TRIM44: variants seen among roughly 807,000 people sequenced by gnomAD.
TRIM44 encodes the protein tripartite motif-containing protein 44.
In TRIM44, 13 loss-of-function variants were observed where a neutral mutation model predicts 37.4. The ratio of observed to expected loss-of-function variants is 0.35; its 90% CI spans 0.23 to 0.55. TRIM44 has a LOEUF of 0.55. Among genes scored for constraint, TRIM44 ranks in the 20% least tolerant of loss-of-function variants. The pLI, the probability that TRIM44 is intolerant of heterozygous loss-of-function variation, is 0.89. For synonymous variants in TRIM44, 175 were observed against 157.2 expected (o/e 1.11, Z -0.85); for missense variants, 426 against 437.2 (o/e 0.97, Z 0.23).
intron 3 of TRIM44, among the ~76,000 whole-genome samples, chr11:35,727,157 CAA>C (rs56986873): frequency 8.7e-5 from 8 of 91,956 alleles, no homozygotes; most frequent in Non-Finnish European, 9.3e-5. Context: ...GATCCTGTCT[CAA>C]AAAAAAAAAA....
chr11:35,696,572 A>G (rs1033234650), intron 2 of TRIM44, among the ~76,000 whole-genome samples: 1 of 151,620 alleles, frequency 6.6e-6, no homozygotes, highest in African/African-American at 2.4e-5. Flanking sequence ...ACAAAGGCCA[A>G]GCGCAGTGGC....
At chr11:35,687,172 A>G (rs1426157564) in intron 2 of TRIM44, among the ~76,000 whole-genome samples, 1 of 152,230 alleles carries the variant, frequency 6.6e-6, no homozygotes, top group Non-Finnish European at 1.5e-5. Context: ...TTTCTGCCAC[A>G]TGATCACATT....
chr11:35,800,167 G>A (rs1853347195), intron 4 of TRIM44, among the ~76,000 whole-genome samples: 1 of 152,130 alleles, frequency 6.6e-6, no homozygotes, highest in Non-Finnish European at 1.5e-5. Flanking sequence ...TGTGTCCGGA[G>A]TTTCTTCCTT....
intron 1 of TRIM44, among the ~76,000 whole-genome samples, chr11:35,670,173 T>C (rs919218502): frequency 6.6e-6 from 1 of 152,248 alleles, no homozygotes; most frequent in African/African-American, 2.4e-5. Context: ...CTTTCTGTTA[T>C]CCCATGCTTC....
At chr11:35,725,903 T>C (rs779677289) in intron 2 of TRIM44, 21 bp from the exon 3 acceptor site, 25 of 1,610,816 alleles carry the variant, frequency 1.6e-5, no homozygotes, top group Non-Finnish European at 2.0e-5. Flanking sequence ...CTTATTCTTC[T>C]TATTTGTCTC....
chr11:35,723,777 G>A (rs1304430401), intron 2 of TRIM44, among the ~76,000 whole-genome samples: 4 of 152,096 alleles, frequency 2.6e-5, no homozygotes, highest in Non-Finnish European at 5.9e-5. Context: ...TTTAGTTACT[G>A]GTAGCCATTA....
intron 4 of TRIM44, among the ~76,000 whole-genome samples, chr11:35,742,545 ATT>A (rs1852417204): frequency 2.3e-5 from 3 of 133,188 alleles, no homozygotes; most frequent in African/African-American, 8.5e-5. Flanking sequence ...AATTATATTA[ATT>A]ATATTAATTG....
chr11:35,730,255 A>C (rs1377039547), intron 3 of TRIM44, among the ~76,000 whole-genome samples: 1 of 152,226 alleles, frequency 6.6e-6, no homozygotes, highest in South Asian at 2.1e-4. Flanking sequence ...ACCGAAAGAA[A>C]GATTTGGTGA....
At chr11:35,796,287 G>A (rs1853288266) in intron 4 of TRIM44, among the ~76,000 whole-genome samples, 1 of 152,200 alleles carries the variant, frequency 6.6e-6, no homozygotes, top group East Asian at 1.9e-4. Context: ...ACTTGTGCAT[G>A]CACACATACA....
At chr11:35,745,596 G>A (rs1163563378) in intron 4 of TRIM44, among the ~76,000 whole-genome samples, 1 of 152,196 alleles carries the variant, frequency 6.6e-6, no homozygotes, top group Non-Finnish European at 1.5e-5. Flanking sequence ...ATATAAACAA[G>A]AGTTAAGAAA....
intron 2 of TRIM44, among the ~76,000 whole-genome samples, chr11:35,718,967 A>G (rs1011293353): frequency 6.7e-6 from 1 of 149,118 alleles, no homozygotes; most frequent in Non-Finnish European, 1.5e-5. Flanking sequence ...ACCACAGTTG[A>G]TTTATTGTTT....
chr11:35,787,174 G>A (rs975325859), intron 4 of TRIM44, among the ~76,000 whole-genome samples: 2 of 152,166 alleles, frequency 1.3e-5, no homozygotes, highest in African/African-American at 2.4e-5. Context: ...CCAGCAAAGC[G>A]AGATGGTGCA....
intron 4 of TRIM44, among the ~76,000 whole-genome samples, chr11:35,801,876 C>A (rs1034826500): frequency 2.0e-5 from 3 of 152,184 alleles, no homozygotes; most frequent in Admixed American, 6.5e-5. Context: ...TTTTGTTTTA[C>A]ATCCCCTAAA....
At chr11:35,665,105 A>T (rs190227230) in intron 1 of TRIM44, among the ~76,000 whole-genome samples, 115 of 152,120 alleles carry the variant, frequency 7.6e-4, no homozygotes, top group African/African-American at 2.7e-3. Context: ...TGAATATGCC[A>T]CAAGTTATCT....
chr11:35,798,348 G>A (rs537646784), intron 4 of TRIM44, among the ~76,000 whole-genome samples: 10 of 152,116 alleles, frequency 6.6e-5, no homozygotes, highest in Non-Finnish European at 1.3e-4. Flanking sequence ...TTTGCTGATC[G>A]CGGTTCCCAG....
At chr11:35,707,143 T>C (rs1851896829) in intron 2 of TRIM44, among the ~76,000 whole-genome samples, 1 of 152,196 alleles carries the variant, frequency 6.6e-6, no homozygotes, top group Non-Finnish European at 1.5e-5. Flanking sequence ...AGCCAAATCA[T>C]GAGTGAACTC....
chr11:35,752,012 T>C (rs1221913113), intron 4 of TRIM44, among the ~76,000 whole-genome samples: 3 of 152,204 alleles, frequency 2.0e-5, no homozygotes, highest in Non-Finnish European at 4.4e-5. Flanking sequence ...TCCCATGGCT[T>C]TGCTGTCCTA....
At position 35,817,066 on chromosome 11, in the gene TRIM44, T is replaced by C. The variant is rs944602881; in HGVS notation, c.*10681T>C. On this transcript the variant is annotated 3_prime_UTR_variant, in exon 5 of 5. Coordinates refer to ENST00000299413, the MANE Select transcript of TRIM44 (RefSeq NM_017583.6). Reference sequence around the variant, plus strand: ...CTCTTTGAAGGTTGTATTAGTCGTTTGCTCCTATATTACTAATGATGACAA... The same window carrying C: ...CTCTTTGAAGGTTGTATTAGTCGTTCGCTCCTATATTACTAATGATGACAA... 2 of 152,230 alleles carry C rather than the reference T, an allele frequency of 1.3e-5. No individual in the cohort carries two copies. Among genetic ancestry groups the C allele is most frequent in the African/African-American group, 4.8e-5 (2 of 41,464 alleles). 9.4% of individuals were successfully genotyped at this position (152,230 alleles called of 1,614,324 possible). A position where few individuals can be genotyped will look rare whatever the true frequency, so the allele number is the denominator to read the frequency against.
chr11:35,685,946 G>A (rs1157819275), intron 2 of TRIM44, among the ~76,000 whole-genome samples: 1 of 152,178 alleles, frequency 6.6e-6, no homozygotes, highest in Non-Finnish European at 1.5e-5. Context: ...ACAGGTGTGA[G>A]CCACCGCACC....
Sources: gnomAD v4.1 joint callset for allele counts (sites outside exome capture counted in the v4.1 genomes callset) on GRCh38, gnomAD v4.1.1 for gene constraint, MANE v1.5 for transcripts, NCBI Gene and HGNC (gene_info 2026-07-23, HGNC 2026-07-21) for gene names.